The following TMEM132B variants were observed in gnomAD, a reference collection of about 807,000 sequenced individuals.
TMEM132B encodes the protein transmembrane protein 132B.
TMEM132B carries 18 observed loss-of-function variants against 90.8 expected under a neutral mutation model. That is an observed-to-expected ratio of 0.20 (90% CI 0.14 to 0.29). The LOEUF (loss-of-function observed/expected upper bound fraction) is 0.29. Among genes scored for constraint, TMEM132B ranks in the 10% least tolerant of loss-of-function variants. The probability of loss-of-function intolerance (pLI) is 1.00; values close to 1 mark genes in which losing one functional copy is unlikely to be tolerated. For missense variants in TMEM132B, 1,096 were observed against 1,326.8 expected (o/e 0.83, Z 2.70); for synonymous variants, 504 against 523.3 (o/e 0.96, Z 0.50).
chr12:125,500,640 G>A (rs1882672168), intron 3 of TMEM132B, among the ~76,000 whole-genome samples: 1 of 152,210 alleles, frequency 6.6e-6, no homozygotes, highest in Non-Finnish European at 1.5e-5. Context: ...AATGGAAGGG[G>A]AAGAATTTTG....
chr12:125,254,077 C>T (rs940645703), intron 1 of TMEM132B, among the ~76,000 whole-genome samples: 5 of 152,016 alleles, frequency 3.3e-5, no homozygotes, highest in Admixed American at 2.0e-4. Flanking sequence ...ATTACTTGAG[C>T]CCAGGAGTTA....
chr12:125,275,218 C>A (rs1034065200), intron 1 of TMEM132B, among the ~76,000 whole-genome samples: 3 of 152,160 alleles, frequency 2.0e-5, no homozygotes, highest in Admixed American at 6.5e-5. Flanking sequence ...TTCTGAATTC[C>A]TAGGATTTGT....
chr12:125,637,832 CAG>C (rs1886524733), intron 5 of TMEM132B, among the ~76,000 whole-genome samples: 1 of 152,138 alleles, frequency 6.6e-6, no homozygotes, highest in African/African-American at 2.4e-5. Flanking sequence ...AAAAGCACAT[CAG>C]TGGTTGCCTG....
chr12:125,646,566 C>A (rs968808408), intron 6 of TMEM132B, among the ~76,000 whole-genome samples: 2 of 152,110 alleles, frequency 1.3e-5, no homozygotes, highest in African/African-American at 2.4e-5. Flanking sequence ...ATGGGCAAAC[C>A]CAGAGGGATT....
rs76126332 is a variant in TMEM132B, at chr12:125,620,561, G to C, written c.1438-23515G>C. On this transcript the variant is annotated intron_variant, in intron 5 of 8. Transcript: ENST00000682704. ...AAAACAAACTAGTTTAAGATCTGAAGACATGACAAAAGCTGTAAGAGTCCC... is the reference window on the plus strand; with the variant it reads ...AAAACAAACTAGTTTAAGATCTGAACACATGACAAAAGCTGTAAGAGTCCC... Among the ~76,000 whole-genome samples, 1,357 of 152,280 alleles carry C rather than the reference G, an allele frequency of 8.9e-3. 16 individuals carry two copies. Among genetic ancestry groups the C allele is most frequent in the African/African-American group, 0.03 (1,240 of 41,538 alleles).
rs988586075 is a variant in TMEM132B at position 125,486,030 on chromosome 12, A to G, written c.1107-33409A>G. 3.9e-5 allele frequency among the ~76,000 whole-genome samples: 6 copies of G among 152,190 alleles called. No homozygotes were observed. In the South Asian group the frequency reaches 1.2e-3, roughly 32 times the overall value. On this transcript the variant is annotated intron_variant, in intron 3 of 8. Coordinates refer to ENST00000682704, the MANE Select transcript of TMEM132B (RefSeq NM_001366854.1). ...TCTCTCTCTCTGTATGTGTGTGTGT[A>G]TTAGGACAGTTGTGGGCAGAGTAGA...
At chr12:125,563,060 G>A (rs1884572484) in intron 4 of TMEM132B, among the ~76,000 whole-genome samples, 1 of 151,664 alleles carries the variant, frequency 6.6e-6, no homozygotes, top group Non-Finnish European at 1.5e-5. Flanking sequence ...TGTTAAGTTT[G>A]CATCTCACAT....
chr12:125,366,732 C>T (rs1039932773), intron 2 of TMEM132B, among the ~76,000 whole-genome samples: 1 of 152,118 alleles, frequency 6.6e-6, no homozygotes, highest in East Asian at 1.9e-4. Flanking sequence ...GAGTTTCAGT[C>T]ATTATTTATT....
rs944843539 is a variant in TMEM132B at position 125,406,798 on chromosome 12, A to C, written c.960-8733A>C. Among the ~76,000 whole-genome samples, 5 of 152,214 alleles carry C rather than the reference A, an allele frequency of 3.3e-5. 1 individual carries two copies. The highest frequency in any genetic ancestry group is 9.6e-5 in the African/African-American group (4 of 41,452). On this transcript the variant is annotated intron_variant, in intron 2 of 8. Coordinates refer to ENST00000682704, the MANE Select transcript of TMEM132B (RefSeq NM_001366854.1). This position sits in a 1 kb window ranked among gnomAD's most constrained non-coding sequence, Gnocchi z 8.3. The stretch of plus-strand genomic sequence containing the variant: ...GGTCCCCAAGACCACCCTCAGGTTC[A>C]GTAATTTTCTAGAAGGACTCAAAGA...
At chr12:125,614,160 T>G (rs1237233133) in intron 5 of TMEM132B, among the ~76,000 whole-genome samples, 1 of 152,200 alleles carries the variant, frequency 6.6e-6, no homozygotes, top group East Asian at 1.9e-4. Context: ...TGTGAGTACA[T>G]GTGCATATTT....
intron 2 of TMEM132B, among the ~76,000 whole-genome samples, chr12:125,412,025 C>T (rs1039406313): frequency 2.0e-5 from 3 of 152,174 alleles, no homozygotes; most frequent in African/African-American, 7.2e-5. Flanking sequence ...CGGCACCCCC[C>T]GTGCTAGGAA....
rs1424874078 is a variant in TMEM132B at position 125,650,979 on chromosome 12, C to G, written c.1914+26C>G. 3.1e-6 allele frequency: 5 copies of G among 1,610,306 alleles called. No homozygotes were observed. In the South Asian group the frequency reaches 4.4e-5, roughly 14 times the overall value. On this transcript the variant is annotated intron_variant, in intron 7 of 8. Transcript: ENST00000682704. ...GTACACGCCGCCATGCCTTGCCCAA[C>G]AGCAGTCTGTGTTGATGAGTGGCCA... is the stretch of plus-strand genomic sequence containing the variant.
At position 125,527,934 on chromosome 12, in the gene TMEM132B, A is replaced by G. The variant is rs201952265; in HGVS notation, c.1293+8309A>G. ...AAGTTGAAACTATTAGGCCTTGGAA[A>G]CCATTTATGTCTAAGATTTCCATTT... is the stretch of plus-strand genomic sequence containing the variant. On this transcript the variant is annotated intron_variant, in intron 4 of 8. Transcript: ENST00000682704. 7.2e-5 allele frequency among the ~76,000 whole-genome samples: 11 copies of G among 152,378 alleles called. No individual in the cohort carries two copies. The East Asian group carries it at 2.1e-3, about 29-fold the overall frequency.
chr12:125,212,523 T>C (rs1873344450), intron 1 of TMEM132B, among the ~76,000 whole-genome samples: 1 of 151,844 alleles, frequency 6.6e-6, no homozygotes, highest in African/African-American at 2.4e-5. Context: ...TGAAACCCTG[T>C]CTCTACTAAA....
At chr12:125,537,470 CTTG>C (rs1439725835) in intron 4 of TMEM132B, among the ~76,000 whole-genome samples, 1 of 152,148 alleles carries the variant, frequency 6.6e-6, no homozygotes, top group Non-Finnish European at 1.5e-5. Context: ...CTTTGGCTGC[CTTG>C]TTGTTGGTCT....
chr12:125,484,806 C>T (rs927820333), intron 3 of TMEM132B, among the ~76,000 whole-genome samples: 1 of 152,040 alleles, frequency 6.6e-6, no homozygotes, highest in Non-Finnish European at 1.5e-5. Context: ...GGTCTCACCA[C>T]GTTGCCCAGG....
intron 3 of TMEM132B, among the ~76,000 whole-genome samples, chr12:125,506,750 CT>C (rs1250218943): frequency 6.6e-6 from 1 of 152,150 alleles, no homozygotes; most frequent in African/African-American, 2.4e-5. Flanking sequence ...CTTCAATACC[CT>C]TCTGGGTCTC....
chr12:125,235,786 T>G (rs1353754713), intron 1 of TMEM132B, among the ~76,000 whole-genome samples: 1 of 151,476 alleles, frequency 6.6e-6, no homozygotes, highest in Non-Finnish European at 1.5e-5. Context: ...TTGTAATGTT[T>G]ATCAGCACTT....
intron 4 of TMEM132B, among the ~76,000 whole-genome samples, chr12:125,560,078 G>T (rs962670427): frequency 5.3e-5 from 8 of 152,214 alleles, no homozygotes; most frequent in Admixed American, 3.9e-4. Flanking sequence ...GGTGTCCACC[G>T]AGGGCTTGGG....
Sources: allele counts gnomAD v4.1 joint callset (sites outside exome capture counted in the v4.1 genomes callset), GRCh38; gene constraint gnomAD v4.1.1; non-coding constraint Gnocchi (gnomAD v3.1); transcripts MANE v1.5; gene names NCBI Gene and HGNC (gene_info 2026-07-23, HGNC 2026-07-21).